The following ARHGEF1 variants were observed in gnomAD, a reference collection of about 807,000 sequenced individuals.
ARHGEF1 encodes 115 kDa guanine nucleotide exchange factor.
A neutral mutation model predicts 119.7 loss-of-function variants in ARHGEF1; 40 were observed. The observed-to-expected ratio is 0.33, with a 90% CI of 0.26 to 0.44. The LOEUF is 0.44. ARHGEF1 is among the 20% of genes least tolerant of loss of function. The probability of loss-of-function intolerance (pLI) is 1.00; values close to 1 mark genes in which losing one functional copy is unlikely to be tolerated. For synonymous variants in ARHGEF1, 494 were observed against 521.0 expected, an observed-to-expected ratio of 0.95 and a Z score of 0.71; for missense variants, 976 against 1,268.3, an observed-to-expected ratio of 0.77 and a Z score of 3.50.
At position 41,906,464 on chromosome 19, in the gene ARHGEF1, C is replaced by T; in HGVS notation, c.2499C>T (p.Ser833=). Residue 833 remains serine (S), a synonymous_variant, in exon 27 of 29, where the codon TCC becomes TCT. Transcript: ENST00000354532. This position sits in a 1 kb window ranked among gnomAD's most constrained non-coding sequence, Gnocchi z 4.5. ...CTCCTTGCCCCTGGCCAGTGCTGTC[C>T]CTGAAGCAGCTTCTGTTTCCGGCGG... is the stretch of plus-strand genomic sequence containing the variant. ...LAATALRKVL[S]LKQLLFPAEE... is the part of the protein sequence containing the mutation. 2 of 1,572,428 alleles carry T rather than the reference C, an allele frequency of 1.3e-6. No individual in the cohort carries two copies. Among genetic ancestry groups the T allele is most frequent in the Non-Finnish European group, 1.7e-6 (2 of 1,166,406 alleles).
At position 41,917,716 on chromosome 19, in the gene ARHGEF1, A is replaced by G. The variant is rs183432901; in HGVS notation, c.1866-5376A>G. 2.0e-5 allele frequency among the ~76,000 whole-genome samples: 3 copies of G among 151,690 alleles called. No individual in the cohort carries two copies. The highest frequency in any genetic ancestry group is 6.5e-5 in the Admixed American group (1 of 15,272). On this transcript the variant is annotated intron_variant, in intron 18 of 20. Transcript: ENST00000599589. The surrounding 1 kb of genome is among the most constrained non-coding windows in gnomAD (Gnocchi z 4.8). ...ACACGTTCAGGCACAATCTGGGGAC[A>G]TATCTCTCCTTACGCCACACGCCCA...
chr19:41,894,179 T>TGTGTGTGTGTGTGTG, intron 8 of ARHGEF1, 28 bp from the exon 9 acceptor site: 1 of 1,432,554 alleles, frequency 7.0e-7, no homozygotes, highest in African/African-American at 1.4e-5. Flanking sequence ...TTTGTGTGTG[T>TGTGTGTGTGTGTGTG]TGAGCCCTCA....
chr19:41,908,739 C>T, downstream of ARHGEF1: 1 of 841,740 alleles, frequency 1.2e-6, no homozygotes, highest in Non-Finnish European at 1.6e-6. This position sits in a 1 kb window ranked among gnomAD's most constrained non-coding sequence, Gnocchi z 6.7. Context: ...GTAAAGGGGG[C>T]TGCCTCCCTG....
At chr19:41,898,651 G>T in intron 14 of ARHGEF1, 64 bp downstream of exon 14, 1 of 1,500,900 alleles carries the variant, frequency 6.7e-7, no homozygotes. Context: ...CAAAGGCAAA[G>T]ACAGGCGCAG....
At position 41,899,597 on chromosome 19, in the gene ARHGEF1, C is replaced by T. The variant is rs1371602457; in HGVS notation, c.1267+1010C>T. ...CAATCTCGGCTCACCACAACCTACG[C>T]CTCCCAGGTTCAAGTGATTCTCCTG... On this transcript the variant is annotated intron_variant, in intron 14 of 28. Coordinates refer to ENST00000354532, the MANE Select transcript of ARHGEF1 (RefSeq NM_004706.4). Among the ~76,000 whole-genome samples the T allele has an allele frequency of 3.3e-5, 5 of 151,398 alleles. No individual in the cohort carries two copies. In the East Asian group the frequency reaches 9.7e-4, roughly 30 times the overall value.
intron 18 of ARHGEF1, chr19:41,912,944 G>T (rs1358270344): frequency 8.3e-7 from 1 of 1,203,242 alleles, no homozygotes; most frequent in Non-Finnish European, 1.0e-6. Flanking sequence ...TGCAGAGGCC[G>T]GGAGGGACAC....
At position 41,917,009 on chromosome 19, in the gene ARHGEF1, G is replaced by GGTGC. The variant is rs1226421996; in HGVS notation, c.1866-6080_1866-6079insCGTG. Among the ~76,000 whole-genome samples, 15 of 132,184 alleles carry GGTGC rather than the reference G, an allele frequency of 1.1e-4. No individual in the cohort carries two copies. The highest frequency in any genetic ancestry group is 6.1e-4 in the African/African-American group (15 of 24,426). 86.7% of individuals were successfully genotyped at this position (132,184 alleles called of 152,430 possible). ...AACTTCCCAAGCATGTCTCTGCATG[G>GGTGC]GTGTGTGTGTGTGTGTGCACATATG... On this transcript the variant is annotated intron_variant, in intron 18 of 20. Transcript: ENST00000599589. The surrounding 1 kb of genome is among the most constrained non-coding windows in gnomAD (Gnocchi z 4.8).
chr19:41,901,753 A>G (rs2074608094), intron 14 of ARHGEF1, 134 bp from the exon 15 acceptor site: 1 of 1,114,830 alleles, frequency 9.0e-7, no homozygotes, highest in Admixed American at 2.6e-5. Context: ...ATGGCTAGCC[A>G]GAGAGAGTTT....
downstream of ARHGEF1, chr19:41,909,256 A>G (rs1334891734): frequency 2.4e-6 from 3 of 1,230,566 alleles, no homozygotes; most frequent in East Asian, 9.5e-5. This position sits in a 1 kb window ranked among gnomAD's most constrained non-coding sequence, Gnocchi z 5.2. Flanking sequence ...CGGTTCCAGG[A>G]CCCCAGTACC....
At chr19:41,884,385 C>T (rs2074261327) in intron 1 of ARHGEF1, 3 of 1,571,938 alleles carry the variant, frequency 1.9e-6, no homozygotes. Context: ...CAAAGGTGGA[C>T]TCAGGGCGGC....
chr19:41,905,876 T>C lies in ARHGEF1; in HGVS notation c.2404+49T>C. 6.2e-7 allele frequency: 1 copy of C among 1,613,412 alleles called. No individual in the cohort carries two copies. The highest frequency in any genetic ancestry group is 1.7e-5 in the Admixed American group (1 of 60,010). ...GAGGGGCCAGGTTGGGGCTGCCGGG[T>C]GAAGAGAGGCATCCACAGGAGGCCC... On this transcript the variant is annotated intron_variant, in intron 25 of 28. Transcript: ENST00000354532. This position sits in a 1 kb window ranked among gnomAD's most constrained non-coding sequence, Gnocchi z 6.4.
In ARHGEF1 at chr19:41,905,185, C is replaced by T; in HGVS notation, c.2260C>T (p.Leu754Phe). ...TVSERKNWCALITETAGSLKV... is the reference protein window; with the variant it reads ...TVSERKNWCAFITETAGSLKV... Reference sequence around the variant, plus strand: ...GGCCTTTCTCCCCAGCTGGTGTGCTCTCATCACTGAGACTGCCGGATCCCT... The same window carrying T: ...GGCCTTTCTCCCCAGCTGGTGTGCTTTCATCACTGAGACTGCCGGATCCCT... Residue 754 changes from leucine to phenylalanine, a missense_variant, in exon 24 of 29, where the codon CTC (leucine) becomes TTC (phenylalanine). Around this residue, in one of 3 missense-constraint regions of ARHGEF1, gnomAD observed 286 missense variants for 506.8 expected, o/e 0.56. Transcript: ENST00000354532. The surrounding 1 kb of genome is among the most constrained non-coding windows in gnomAD (Gnocchi z 6.4). 1.2e-6 allele frequency: 2 copies of T among 1,614,026 alleles called. No individual in the cohort carries two copies. The highest frequency in any genetic ancestry group is 1.7e-6 in the Non-Finnish European group (2 of 1,179,950).
Position 41,888,053 on chromosome 19 carries a change from T to C in ARHGEF1, c.-19-11T>C. On this transcript the variant is annotated splice_polypyrimidine_tract_variant and intron_variant, in intron 1 of 28. Transcript: ENST00000354532. This position sits in a 1 kb window ranked among gnomAD's most constrained non-coding sequence, Gnocchi z 5.1. ...CCACCCTCCTAACCACAGCCCCTCC[T>C]CTTCCTCCAGCCCTGCAGAGCCCAG... The C allele has an allele frequency of 6.2e-7, 1 of 1,612,072 alleles. No homozygotes were observed. Among genetic ancestry groups the C allele is most frequent in the Non-Finnish European group, 8.5e-7 (1 of 1,179,720 alleles).
rs1555846538 is a variant in ARHGEF1, at chr19:41,892,760, G to A, written c.525G>A (p.Leu175=). The A allele has an allele frequency of 6.2e-7, 1 of 1,608,628 alleles. No homozygotes were observed. Among genetic ancestry groups the A allele is most frequent in the South Asian group, 1.1e-5 (1 of 90,902 alleles). ...CCTGGGAGCAGGAGCTGGCCCAGCTGGAGGCTTGGGTTGGGCGGGACCGAG... is the reference window on the plus strand; with the variant it reads ...CCTGGGAGCAGGAGCTGGCCCAGCTAGAGGCTTGGGTTGGGCGGGACCGAG... ...MTPWEQELAQ[L]EAWVGRDRAS... Residue 175 remains leucine, a synonymous_variant, in exon 7 of 29, where the codon CTG becomes CTA. Coordinates refer to ENST00000354532, the MANE Select transcript of ARHGEF1 (RefSeq NM_004706.4). This position sits in a 1 kb window ranked among gnomAD's most constrained non-coding sequence, Gnocchi z 6.3.
rs2074808542 is a variant in ARHGEF1 at position 41,917,454 on chromosome 19, G to A, written c.1866-5638G>A. On this transcript the variant is annotated intron_variant, in intron 18 of 20. Coordinates refer to the ARHGEF1 transcript ENST00000599589. The surrounding 1 kb of genome is among the most constrained non-coding windows in gnomAD (Gnocchi z 4.8). ...CTCGGGCCTCGCACCCCCACCACCAGCCCCTTCATCCCTCACCCAGGCCCC... is the reference window on the plus strand; with the variant it reads ...CTCGGGCCTCGCACCCCCACCACCAACCCCTTCATCCCTCACCCAGGCCCC... 7.6e-6 allele frequency among the ~76,000 whole-genome samples: 1 copy of A among 132,358 alleles called. No homozygotes were observed. The highest frequency in any genetic ancestry group is 2.9e-5 in the African/African-American group (1 of 34,758). The allele number at this position is 132,358 out of a possible 152,430, so 86.8% of individuals were successfully genotyped here.
chr19:41,902,198 C>T lies in ARHGEF1; in HGVS notation c.1415-76C>T, dbSNP rs1195656123. On this transcript the variant is annotated intron_variant, in intron 15 of 28. Coordinates refer to ENST00000354532, the MANE Select transcript of ARHGEF1 (RefSeq NM_004706.4). The surrounding 1 kb of genome is among the most constrained non-coding windows in gnomAD (Gnocchi z 6.5). ...ACACAGACACACCTGCAGCCCTACC[C>T]CCACCACACCGCAGCAGGCCCCGCA... 5 of 1,583,886 alleles carry T rather than the reference C, an allele frequency of 3.2e-6. No homozygotes were observed. In the African/African-American group the frequency reaches 6.7e-5, roughly 21 times the overall value.
intron 18 of ARHGEF1, among the ~76,000 whole-genome samples, chr19:41,914,441 T>TTTCTCCATCTCTCACCCCTGCTTC (rs1198102593): frequency 2.7e-4 from 41 of 151,596 alleles, no homozygotes; most frequent in Non-Finnish European, 2.8e-4. Flanking sequence ...CTCTTCCCTG[T>TTTCTCCATCTCTCACCCCTGCTTC]TTCTCCATCT....
chr19:41,891,889 G>C, intron 4 of ARHGEF1, 136 bp from the exon 5 acceptor site: 1 of 683,294 alleles, frequency 1.5e-6, no homozygotes, highest in Non-Finnish European at 2.4e-6. Context: ...AGGTCAGGGA[G>C]TGCTTCCCAG....
At chr19:41,911,831 A>G (rs944756867), downstream of ARHGEF1, among the ~76,000 whole-genome samples, 2 of 152,184 alleles carry the variant, frequency 1.3e-5, no homozygotes, top group African/African-American at 4.8e-5. Context: ...TATGAGGCAC[A>G]GGCACAGCTA....
Sources: allele counts gnomAD v4.1 joint callset (sites outside exome capture counted in the v4.1 genomes callset), GRCh38; gene constraint gnomAD v4.1.1; regional missense constraint gnomAD v4.1.1; non-coding constraint Gnocchi (gnomAD v3.1); transcripts MANE v1.5; gene names NCBI Gene and HGNC (gene_info 2026-07-23, HGNC 2026-07-21).